Variants in BEND4 observed in about 807,000 individuals in gnomAD.
The protein encoded by BEND4 is BEN domain-containing protein 4.
In BEND4, 27 loss-of-function variants were observed where a neutral mutation model predicts 54.7. The observed-to-expected ratio is 0.49, with a 90% CI of 0.36 to 0.68. BEND4 has a LOEUF of 0.68. BEND4 is among the 30% of genes least tolerant of loss of function. The pLI is 0.00. For synonymous variants in BEND4, 327 were observed against 299.5 expected, an observed-to-expected ratio of 1.09 and a Z score of -0.95; for missense variants, 702 against 697.2, an observed-to-expected ratio of 1.01 and a Z score of -0.08.
At chr4:42,131,034 T>C (rs189642984) in intron 3 of BEND4, among the ~76,000 whole-genome samples, 24 of 151,448 alleles carry the variant, frequency 1.6e-4, no homozygotes, top group Admixed American at 1.6e-3. Context: ...CGTGGACACA[T>C]GGAGGGAAAC....
At chr4:42,123,867 A>G (rs908040442) in intron 4 of BEND4, among the ~76,000 whole-genome samples, 3 of 152,110 alleles carry the variant, frequency 2.0e-5, no homozygotes, top group Non-Finnish European at 4.4e-5. Context: ...AGAAACTTCT[A>G]CCTGGGGTTG....
At chr4:42,138,543 C>G (rs1387344471) in intron 3 of BEND4, among the ~76,000 whole-genome samples, 1 of 152,120 alleles carries the variant, frequency 6.6e-6, no homozygotes, top group East Asian at 1.9e-4. Flanking sequence ...TTGTACCGTA[C>G]TTGAGATTAA....
In BEND4 at chr4:42,113,308, G is replaced by A. The variant is rs1158367658; in HGVS notation, c.*4210C>T. 1.3e-5 allele frequency: 2 copies of A among 152,174 alleles called. No individual in the cohort carries two copies. The highest frequency in any genetic ancestry group is 2.9e-5 in the Non-Finnish European group (2 of 68,028). The allele number at this position is 152,174 out of a possible 1,614,324, so 9.4% of individuals were successfully genotyped here. On this transcript the variant is annotated 3_prime_UTR_variant, in exon 6 of 6. Coordinates refer to ENST00000502486, the MANE Select transcript of BEND4 (RefSeq NM_207406.4). Reference sequence around the variant, plus strand: ...AAAATTGAAGCTATTATCCATGGATGACATTTCAAAAAAATAATTGAAACC... The same window carrying A: ...AAAATTGAAGCTATTATCCATGGATAACATTTCAAAAAAATAATTGAAACC...
chr4:42,148,659 TGAA>T (rs1161089131), intron 2 of BEND4, among the ~76,000 whole-genome samples: 1 of 152,216 alleles, frequency 6.6e-6, no homozygotes, highest in Non-Finnish European at 1.5e-5. Context: ...TTTTATCAGT[TGAA>T]GAAGATAAAA....
intron 4 of BEND4, among the ~76,000 whole-genome samples, chr4:42,121,534 C>G (rs1308894845): frequency 6.6e-6 from 1 of 152,152 alleles, no homozygotes; most frequent in Non-Finnish European, 1.5e-5. Context: ...GTTGTTGGAC[C>G]AAAGTTTCCT....
intron 3 of BEND4, among the ~76,000 whole-genome samples, chr4:42,142,466 T>A (rs6834220): frequency 0.033 from 2,294 of 70,412 alleles, 17 homozygotes; most frequent in African/African-American, 0.11. Context: ...CTAAAAAAAA[T>A]ATATATATAT....
At chr4:42,136,884 T>C (rs1449780947) in intron 3 of BEND4, among the ~76,000 whole-genome samples, 1 of 152,234 alleles carries the variant, frequency 6.6e-6, no homozygotes, top group African/African-American at 2.4e-5. Context: ...TAAATAAACA[T>C]GCACATAAAA....
chr4:42,135,457 G>T (rs957911850), intron 3 of BEND4, among the ~76,000 whole-genome samples: 3 of 152,084 alleles, frequency 2.0e-5, no homozygotes, highest in South Asian at 2.1e-4. Flanking sequence ...ATGCCTTATT[G>T]TATTTGGTAC....
At position 42,152,150 on chromosome 4, in the gene BEND4, C is replaced by T; in HGVS notation, c.-7G>A. 4 of 1,242,190 alleles carry T rather than the reference C, an allele frequency of 3.2e-6. No homozygotes were observed. The highest frequency in any genetic ancestry group is 4.1e-6 in the Non-Finnish European group (4 of 984,984). The allele number at this position is 1,242,190 out of a possible 1,614,324, so 76.9% of individuals were successfully genotyped here. Reference sequence around the variant, plus strand: ...GCTGCATCTCTTCCTCCATCCGGCGCCTCGGGGCCGGTCCCTCGGAGCACG... The same window carrying T: ...GCTGCATCTCTTCCTCCATCCGGCGTCTCGGGGCCGGTCCCTCGGAGCACG... On this transcript the variant is annotated 5_prime_UTR_variant, in exon 2 of 6. Transcript: ENST00000502486.
intron 3 of BEND4, among the ~76,000 whole-genome samples, chr4:42,128,686 A>T (rs1577753426): frequency 6.6e-6 from 1 of 152,198 alleles, no homozygotes; most frequent in East Asian, 1.9e-4. Context: ...AGAAAGAAAT[A>T]ATGGGTATTC....
At chr4:42,138,969 T>C (rs1720792033) in intron 3 of BEND4, among the ~76,000 whole-genome samples, 1 of 152,216 alleles carries the variant, frequency 6.6e-6, no homozygotes, top group Non-Finnish European at 1.5e-5. Flanking sequence ...CGTCTTAGAT[T>C]AGATGAAATA....
chr4:42,134,338 ATG>A (rs1175883311), intron 3 of BEND4, among the ~76,000 whole-genome samples: 2 of 152,168 alleles, frequency 1.3e-5, no homozygotes, highest in African/African-American at 2.4e-5. Context: ...AACCATGGCC[ATG>A]TGTGTGTTTA....
In BEND4 at chr4:42,114,964, A is replaced by C. The variant is rs1362106649; in HGVS notation, c.*2554T>G. 6.6e-6 allele frequency: 1 copy of C among 152,332 alleles called. No homozygotes were observed. The highest frequency in any genetic ancestry group is 6.5e-5 in the Admixed American group (1 of 15,282). 9.4% of individuals were successfully genotyped at this position (152,332 alleles called of 1,614,324 possible). A position where few individuals can be genotyped will look rare whatever the true frequency, so the allele number is the denominator to read the frequency against. On this transcript the variant is annotated 3_prime_UTR_variant, in exon 6 of 6. Coordinates refer to ENST00000502486, the MANE Select transcript of BEND4 (RefSeq NM_207406.4). ...CTAGGCTTGGCTAAAGGAACCCAGC[A>C]GATACACAAACAGTAGAAGTACAAT...
At chr4:42,136,746 A>C (rs1433929600) in intron 3 of BEND4, among the ~76,000 whole-genome samples, 1 of 152,230 alleles carries the variant, frequency 6.6e-6, no homozygotes, top group African/African-American at 2.4e-5. Context: ...AGTGCTGTCT[A>C]CTGTTCCTAA....
chr4:42,118,018 A>G (rs1429782075), intron 5 of BEND4, among the ~76,000 whole-genome samples: 1 of 152,176 alleles, frequency 6.6e-6, no homozygotes, highest in Non-Finnish European at 1.5e-5. Context: ...TTGATTTGTA[A>G]GGCATGGGAT....
chr4:42,151,973 C>T lies in BEND4; in HGVS notation c.171G>A (p.Pro57=). ...CGTGCGGCGCGAAGGGCGGCGGGGG[C>T]GGCGGGGGCGCCCGCACGTGCGGCA... ...VELPHVRAPP[P]PPPPFAPHAA... Residue 57 remains proline, a synonymous_variant, in exon 2 of 6, where the codon CCG becomes CCA. Transcript: ENST00000502486. 8.0e-7 allele frequency: 1 copy of T among 1,250,640 alleles called. No individual in the cohort carries two copies. The highest frequency in any genetic ancestry group is 1.0e-6 in the Non-Finnish European group (1 of 993,458). The allele number at this position is 1,250,640 out of a possible 1,614,324, so 77.5% of individuals were successfully genotyped here.
At position 42,143,632 on chromosome 4, in the gene BEND4, T is replaced by C. The variant is rs191388972; in HGVS notation, c.850A>G (p.Thr284Ala). ...CCACCTAATGTATGCACAGGAGAGG[T>C]TGACAGAGGATCCACGTCGGCCAGA... Reference protein sequence around the residue: ...GHLADVDPLSTSPVHTLGGWT... With the variant: ...GHLADVDPLSASPVHTLGGWT... The change falls in exon 3 of 6, where the codon ACC becomes GCC. Residue 284 changes from threonine (T) to alanine (A), a missense_variant. By Grantham distance (58) the Thr-to-Ala change is moderately conservative (BLOSUM62 0). Coordinates refer to ENST00000502486, the MANE Select transcript of BEND4 (RefSeq NM_207406.4). 3.2e-5 allele frequency: 51 copies of C among 1,612,258 alleles called. 1 individual carries two copies. The East Asian group carries it at 9.8e-4, about 31-fold the overall frequency.
intron 3 of BEND4, among the ~76,000 whole-genome samples, chr4:42,138,360 C>A (rs1720766567): frequency 6.6e-6 from 1 of 152,074 alleles, no homozygotes; most frequent in African/African-American, 2.4e-5. Context: ...ACATGTGGAA[C>A]CTAAAATAAA....
At chr4:42,141,402 T>C (rs1180755452) in intron 3 of BEND4, among the ~76,000 whole-genome samples, 1 of 152,170 alleles carries the variant, frequency 6.6e-6, no homozygotes, top group Non-Finnish European at 1.5e-5. Flanking sequence ...AGCTGCCAAA[T>C]TGAGTGATAC....
Sources: gnomAD v4.1 joint callset for allele counts (sites outside exome capture counted in the v4.1 genomes callset) on GRCh38, gnomAD v4.1.1 for gene constraint, MANE v1.5 for transcripts, NCBI Gene and HGNC (gene_info 2026-07-23, HGNC 2026-07-21) for gene names.